ANKRD35: variants seen among roughly 807,000 people sequenced by gnomAD.
The protein encoded by ANKRD35 is ankyrin repeat domain-containing protein 35.
ANKRD35 carries 102 observed loss-of-function variants against 109.9 expected under a neutral mutation model. That is an observed-to-expected ratio of 0.93 (90% CI 0.79 to 1.09). The LOEUF is 1.09. Among genes scored for constraint, ANKRD35 ranks in the 50% least tolerant of loss-of-function variants. ANKRD35 has a pLI of 0.00. For synonymous variants in ANKRD35, 515 were observed against 512.4 expected (o/e 1.01, Z -0.07); for missense variants, 1,240 against 1,230.1 (o/e 1.01, Z -0.12).
At chr1:145,869,669 A>C (rs1305181985) in intron 10 of ANKRD35, among the ~76,000 whole-genome samples, 3 of 151,928 alleles carry the variant, frequency 2.0e-5, no homozygotes, top group Admixed American at 2.0e-4. Flanking sequence ...GGGTTTTGCC[A>C]TGTTGTCCAG....
chr1:145,876,819 C>T lies in ANKRD35; in HGVS notation c.379G>A (p.Ala127Thr). 6.2e-7 allele frequency: 1 copy of T among 1,614,134 alleles called. No individual in the cohort carries two copies. The highest frequency in any genetic ancestry group is 2.2e-5 in the East Asian group (1 of 44,894). The change falls in exon 5 of 14, where the codon GCA becomes ACA. Residue 127 changes from alanine to threonine, a missense_variant. Ala to Thr is a moderately conservative substitution (Grantham distance 58). Coordinates refer to ENST00000355594, the MANE Select transcript of ANKRD35 (RefSeq NM_144698.5). ...DAENRSPLHW[A>T]ASSGCASSVL... ...CCCATGAGTCCCCTGCACACACCTG[C>T]CCAGTGCAATGGACTACGGTTTTCT... is the stretch of plus-strand genomic sequence containing the variant.
In ANKRD35 at chr1:145,876,587, G is replaced by T; in HGVS notation, c.435C>A (p.Phe145Leu). ...SVLLLCDHEA[F>L]LDVLDNDGRT... ...CACTCACATTATCCAACACGTCCAGGAAGGCTTCGTGGTCACACAGCAGGA... is the reference window on the plus strand; with the variant it reads ...CACTCACATTATCCAACACGTCCAGTAAGGCTTCGTGGTCACACAGCAGGA... Residue 145 changes from phenylalanine (F) to leucine (L), a missense_variant, in exon 6 of 14, where the codon TTC (phenylalanine) becomes TTA (leucine). Transcript: ENST00000355594. 3.1e-6 allele frequency: 5 copies of T among 1,614,186 alleles called. No individual in the cohort carries two copies. Among genetic ancestry groups the T allele is most frequent in the Non-Finnish European group, 4.2e-6 (5 of 1,180,030 alleles).
At chr1:145,875,598 G>A (rs1553739898) in intron 7 of ANKRD35, among the ~76,000 whole-genome samples, 4 of 151,480 alleles carry the variant, frequency 2.6e-5, no homozygotes, top group African/African-American at 9.7e-5. Context: ...GCCCAGGCTG[G>A]AGTGCAGTGG....
In ANKRD35 at chr1:145,878,044, A is replaced by G; in HGVS notation, c.260-12T>C. On this transcript the variant is annotated splice_polypyrimidine_tract_variant and intron_variant, in intron 3 of 13. Transcript: ENST00000355594. ...TAGGGCAGTGCTTCCTGGAACAGAA[A>G]GAAGGGGAGAAGGAGGGTAGGTGGC... 3.1e-6 allele frequency: 5 copies of G among 1,613,126 alleles called. No homozygotes were observed. Among genetic ancestry groups the G allele is most frequent in the Non-Finnish European group, 4.2e-6 (5 of 1,179,190 alleles).
chr1:145,872,395 C>A lies in ANKRD35; in HGVS notation c.2374G>T (p.Glu792Ter). The change falls in exon 10 of 14, where the codon GAG becomes TAG. Residue 792 changes from glutamate to a stop codon, truncating the protein, a stop_gained. Transcript: ENST00000355594. LOFTEE classifies it high-confidence loss of function. ...LEQDLGKLEE[E>*]LRAVQATMSG... is the part of the protein sequence containing the mutation. ...ATCGTGGCCTGAACTGCCCGCAGCTCTTCCTCCAGCTTCCCCAGGTCTTGC... is the reference window on the plus strand; with the variant it reads ...ATCGTGGCCTGAACTGCCCGCAGCTATTCCTCCAGCTTCCCCAGGTCTTGC... 1 of 1,613,224 alleles carries A rather than the reference C, an allele frequency of 6.2e-7. No individual in the cohort carries two copies. The highest frequency in any genetic ancestry group is 1.1e-5 in the South Asian group (1 of 91,018).
At position 145,872,876 on chromosome 1, in the gene ANKRD35, T is replaced by C. The variant is rs782409889; in HGVS notation, c.1893A>G (p.Leu631=). Residue 631 remains leucine (L), a synonymous_variant, in exon 10 of 14, where the codon TTA becomes TTG. Coordinates refer to ENST00000355594, the MANE Select transcript of ANKRD35 (RefSeq NM_144698.5). ...TCTGCCGCTCCCGCCCCAACTCCCC[T>C]AACTCCTCCAGCAAGTTACTGTTGC... ...RLSNSNLLEE[L]GELGRERQRL... The C allele has an allele frequency of 1.3e-5, 21 of 1,614,040 alleles. No individual in the cohort carries two copies. In the Admixed American group the frequency reaches 3.2e-4, roughly 24 times the overall value.
At chr1:145,871,146 CTTTTTTCTTTTTTTTT>C (rs1653798346) in intron 10 of ANKRD35, among the ~76,000 whole-genome samples, 1 of 51,572 alleles carries the variant, frequency 1.9e-5, no homozygotes, top group Non-Finnish European at 4.2e-5. Flanking sequence ...TCTTTCTTTT[CTTTTTTCTTTTTTTTT>C]TTTTTTTTTT....
intron 11 of ANKRD35, 53 bp downstream of exon 11, chr1:145,868,258 A>T: frequency 1.3e-6 from 2 of 1,566,724 alleles, no homozygotes; most frequent in Non-Finnish European, 8.8e-7. Context: ...CATATACATC[A>T]CTTCCACTGC....
In ANKRD35 at chr1:145,874,846, C is replaced by A. The variant is rs781953260; in HGVS notation, c.721G>T (p.Ala241Ser). The change falls in exon 8 of 14, where the codon GCC becomes TCC. Residue 241 changes from alanine to serine, a missense_variant. Transcript: ENST00000355594. ...CCGCCCCGCCGCCGCCGGCTCAGGG[C>A]CTGCTGTAGGTGCCTCCACAGTGCC... The part of the protein sequence containing the change: ...DKALWRHLQQ[A>S]LSRRRRGGQR... 1.1e-5 allele frequency: 17 copies of A among 1,602,474 alleles called. No homozygotes were observed. In the East Asian group the frequency reaches 3.8e-4, roughly 36 times the overall value.
At chr1:145,879,178 C>T in intron 2 of ANKRD35, 80 bp downstream of exon 2, 4 of 1,407,316 alleles carry the variant, frequency 2.8e-6, no homozygotes, top group Non-Finnish European at 3.7e-6. Context: ...GTAGGCATTC[C>T]CTGGTCCTAT....
intron 10 of ANKRD35, 118 bp downstream of exon 10, chr1:145,871,864 C>G: frequency 7.7e-7 from 1 of 1,303,906 alleles, no homozygotes; most frequent in South Asian, 1.4e-5. Context: ...ACTGGTGCTC[C>G]GTTTGGGGTA....
chr1:145,877,368 G>A (rs1408458142), intron 4 of ANKRD35, among the ~76,000 whole-genome samples: 1 of 151,946 alleles, frequency 6.6e-6, no homozygotes, highest in Non-Finnish European at 1.5e-5. Flanking sequence ...GAGTAACTGG[G>A]ACTACAGGCA....
At chr1:145,883,245 C>T (rs1034407163) in intron 1 of ANKRD35, among the ~76,000 whole-genome samples, 13 of 152,030 alleles carry the variant, frequency 8.6e-5, no homozygotes, top group African/African-American at 9.7e-5. Flanking sequence ...CCACCACACC[C>T]GGCTAATTTT....
At chr1:145,868,481 G>A in intron 10 of ANKRD35, 81 bp from the exon 11 acceptor site, 1 of 1,229,248 alleles carries the variant, frequency 8.1e-7, no homozygotes, top group South Asian at 1.3e-5. Flanking sequence ...TCCTTTTACT[G>A]AGTATTTAAT....
Position 145,872,704 on chromosome 1 carries a change from T to G in ANKRD35, c.2065A>C (p.Lys689Gln). 6.2e-7 allele frequency: 1 copy of G among 1,614,088 alleles called. No homozygotes were observed. Among genetic ancestry groups the G allele is most frequent in the Non-Finnish European group, 8.5e-7 (1 of 1,180,016 alleles). ...ELAMEKEATE[K>Q]LRKLLASQSS... Reference sequence around the variant, plus strand: ...TGGGAGGCCAGGAGCTTCCGCAGCTTCTCTGTGGCCTCCTTCTCCATGGCC... The same window carrying G: ...TGGGAGGCCAGGAGCTTCCGCAGCTGCTCTGTGGCCTCCTTCTCCATGGCC... The change falls in exon 10 of 14, where the codon AAG becomes CAG. Residue 689 changes from lysine to glutamine, a missense_variant. Transcript: ENST00000355594.
intron 1 of ANKRD35, among the ~76,000 whole-genome samples, chr1:145,883,153 C>T (rs1446457406): frequency 1.4e-5 from 2 of 146,010 alleles, no homozygotes; most frequent in East Asian, 2.0e-4. Flanking sequence ...GGCACCATCT[C>T]GGCTCACTGC....
intron 10 of ANKRD35, among the ~76,000 whole-genome samples, chr1:145,871,121 T>TTCTTTCTTTC (rs1553738522): frequency 1.8e-5 from 2 of 112,336 alleles, no homozygotes; most frequent in African/African-American, 3.4e-5. Context: ...TTCAAGCTTT[T>TTCTTTCTTTC]TTTCTTTCTT....
intron 1 of ANKRD35, among the ~76,000 whole-genome samples, chr1:145,882,122 T>C (rs1354532537): frequency 1.3e-5 from 2 of 150,664 alleles, no homozygotes; most frequent in Non-Finnish European, 1.5e-5. Context: ...ACCCGGATAA[T>C]TTTTTGTATT....
At position 145,871,153 on chromosome 1, in the gene ANKRD35, C is replaced by CTTTTTTTTTTTTTTTTTTT. The variant is rs59433424; in HGVS notation, c.2787+810_2787+828dup. Among the ~76,000 whole-genome samples, 17 of 78,094 alleles carry CTTTTTTTTTTTTTTTTTTT rather than the reference C, an allele frequency of 2.2e-4. 2 individuals carry two copies. Among genetic ancestry groups the CTTTTTTTTTTTTTTTTTTT allele is most frequent in the Non-Finnish European group, 3.1e-4 (12 of 38,928 alleles). The allele number at this position is 78,094 out of a possible 152,430, so 51.2% of individuals were successfully genotyped here. ...TCTTTCTTTCTTTCTTTTCTTTTTT[C>CTTTTTTTTTTTTTTTTTTT]TTTTTTTTTTTTTTTTTTTTTTTTT... On this transcript the variant is annotated intron_variant, in intron 10 of 13. Coordinates refer to ENST00000355594, the MANE Select transcript of ANKRD35 (RefSeq NM_144698.5).
Sources: gnomAD v4.1 joint callset for allele counts (sites outside exome capture counted in the v4.1 genomes callset) on GRCh38, gnomAD v4.1.1 for gene constraint, MANE v1.5 for transcripts, NCBI Gene and HGNC (gene_info 2026-07-23, HGNC 2026-07-21) for gene names.